The following CHD9 variants were observed in gnomAD, a reference collection of about 807,000 sequenced individuals.
The protein encoded by CHD9 is chromodomain helicase DNA binding protein 9.
CHD9 carries 77 observed loss-of-function variants against 316.1 expected under a neutral mutation model. The ratio of observed to expected loss-of-function variants is 0.24; its 90% CI spans 0.20 to 0.29. The LOEUF (loss-of-function observed/expected upper bound fraction) is 0.29. Among genes scored for constraint, CHD9 ranks in the 10% least tolerant of loss-of-function variants. CHD9 has a pLI of 1.00. For missense variants in CHD9, 2,763 were observed against 3,438.1 expected (o/e 0.80, Z 4.91); for synonymous variants, 1,129 against 1,158.3 (o/e 0.97, Z 0.51).
intron 1 of CHD9, among the ~76,000 whole-genome samples, chr16:53,058,863 TG>T (rs141761945): frequency 0.052 from 7,911 of 152,234 alleles, 292 homozygotes; most frequent in Middle Eastern, 0.088. Context: ...TGGTTTCTTT[TG>T]TTGTTGTTTT....
At chr16:53,314,026 AT>A (rs530638489) in intron 34 of CHD9, among the ~76,000 whole-genome samples, 6 of 151,984 alleles carry the variant, frequency 3.9e-5, no homozygotes, top group Admixed American at 6.6e-5. Flanking sequence ...GAGATAAATG[AT>A]TTTTTTTAAA....
chr16:53,302,683 C>T (rs1329568278), intron 30 of CHD9, among the ~76,000 whole-genome samples: 3 of 152,160 alleles, frequency 2.0e-5, no homozygotes, highest in African/African-American at 7.2e-5. Flanking sequence ...CATTCTCTCT[C>T]ATCTATTTAA....
At chr16:53,320,664 GTTAAA>G (rs2057214810) in intron 37 of CHD9, among the ~76,000 whole-genome samples, 2 of 152,128 alleles carry the variant, frequency 1.3e-5, no homozygotes, top group African/African-American at 4.8e-5. Flanking sequence ...CTAAAGGGAT[GTTAAA>G]TTGGTAGGTA....
intron 1 of CHD9, among the ~76,000 whole-genome samples, chr16:53,090,623 C>T (rs1596948553): frequency 6.6e-6 from 1 of 152,112 alleles, no homozygotes; most frequent in Non-Finnish European, 1.5e-5. Flanking sequence ...TGGCAGGTGG[C>T]CTTTCTTTCC....
chr16:53,274,729 G>C (rs1427552804), intron 24 of CHD9, among the ~76,000 whole-genome samples: 1 of 152,128 alleles, frequency 6.6e-6, no homozygotes, highest in African/African-American at 2.4e-5. Context: ...ACAAAGTGCT[G>C]GGATTACAGG....
chr16:53,244,882 A>C (rs892686382), intron 13 of CHD9, among the ~76,000 whole-genome samples: 3 of 152,074 alleles, frequency 2.0e-5, no homozygotes, highest in Admixed American at 1.3e-4. Context: ...TAATCCCAGC[A>C]CTTTGGGCTT....
intron 2 of CHD9, among the ~76,000 whole-genome samples, chr16:53,199,767 A>G (rs1003282409): frequency 7.9e-5 from 12 of 152,192 alleles, no homozygotes; most frequent in African/African-American, 2.9e-4. Context: ...CATCTTGACC[A>G]TTAAACTATT....
chr16:53,122,388 C>A (rs1011875301), intron 1 of CHD9, among the ~76,000 whole-genome samples: 17 of 152,108 alleles, frequency 1.1e-4, no homozygotes, highest in Non-Finnish European at 7.4e-5. Flanking sequence ...CTACAACAAT[C>A]TTCAAACTTT....
In CHD9 at chr16:53,285,581, A is replaced by C. The variant is rs1204051525; in HGVS notation, c.4968-15A>C. 6.5e-7 allele frequency: 1 copy of C among 1,530,964 alleles called. No individual in the cohort carries two copies. 94.8% of individuals were successfully genotyped at this position (1,530,964 alleles called of 1,614,324 possible). On this transcript the variant is annotated splice_polypyrimidine_tract_variant and intron_variant, in intron 24 of 38. Coordinates refer to ENST00000447540, the MANE Select transcript of CHD9 (RefSeq NM_001308319.2). ...TTATAATAATTCATAATGCCATATTATGATTTTTTTAAAGTGACATTGATG... is the reference window on the plus strand; with the variant it reads ...TTATAATAATTCATAATGCCATATTCTGATTTTTTTAAAGTGACATTGATG...
At chr16:53,253,948 G>A (rs2050342832) in intron 17 of CHD9, among the ~76,000 whole-genome samples, 1 of 152,142 alleles carries the variant, frequency 6.6e-6, no homozygotes, top group South Asian at 2.1e-4. Flanking sequence ...AGGTTGGGGC[G>A]GGTGGATCAC....
At chr16:53,087,603 T>C (rs1018741088) in intron 1 of CHD9, among the ~76,000 whole-genome samples, 2 of 152,312 alleles carry the variant, frequency 1.3e-5, no homozygotes, top group East Asian at 3.9e-4. Context: ...AAAGGATCGT[T>C]ATGAGATAAT....
At chr16:53,208,544 A>G in intron 2 of CHD9, 1 of 1,037,592 alleles carries the variant, frequency 9.6e-7, no homozygotes. Flanking sequence ...TTAGTGAGCA[A>G]TTCTAAACCC....
rs560014386 is a variant in CHD9, at chr16:53,121,151, G to A, written c.-164-34775G>A. 1.5e-5 allele frequency: 4 copies of A among 265,684 alleles called. 1 individual carries two copies. Among genetic ancestry groups the A allele is most frequent in the African/African-American group, 4.5e-5 (2 of 44,822 alleles). 16.5% of individuals were successfully genotyped at this position (265,684 alleles called of 1,614,324 possible). The stretch of plus-strand genomic sequence containing the variant: ...AAAATAATTGGCCATGAAGCCAGAG[G>A]ACCATATCTATCTTGTTCATTGTTG... On this transcript the variant is annotated intron_variant, in intron 1 of 38. Transcript: ENST00000447540.
At chr16:53,309,842 A>C (rs1005699198) in intron 34 of CHD9, among the ~76,000 whole-genome samples, 3 of 152,144 alleles carry the variant, frequency 2.0e-5, no homozygotes, top group African/African-American at 7.2e-5. Flanking sequence ...GAGAATGAAA[A>C]TTTAAAAAAA....
chr16:53,112,669 A>G (rs1422460921), intron 1 of CHD9, among the ~76,000 whole-genome samples: 2 of 151,958 alleles, frequency 1.3e-5, no homozygotes, highest in African/African-American at 4.8e-5. Flanking sequence ...AGTACTTTTT[A>G]TTTGCACAAT....
At chr16:53,083,810 G>T (rs2035234277) in intron 1 of CHD9, among the ~76,000 whole-genome samples, 1 of 151,886 alleles carries the variant, frequency 6.6e-6, no homozygotes, top group South Asian at 2.1e-4. Context: ...GAGTGCAGTG[G>T]CATGATCATA....
intron 1 of CHD9, among the ~76,000 whole-genome samples, chr16:53,064,950 C>G (rs1037302292): frequency 6.6e-6 from 1 of 151,734 alleles, no homozygotes; most frequent in Non-Finnish European, 1.5e-5. Flanking sequence ...GCCTGGGCGA[C>G]AGAGCAAGAC....
At chr16:53,171,206 G>A (rs1014567321) in intron 2 of CHD9, among the ~76,000 whole-genome samples, 9 of 151,932 alleles carry the variant, frequency 5.9e-5, no homozygotes, top group Admixed American at 2.6e-4. Context: ...TCAGGAGATC[G>A]AGACTATCCT....
intron 30 of CHD9, among the ~76,000 whole-genome samples, chr16:53,301,600 CTG>C (rs1479122917): frequency 6.6e-6 from 1 of 152,110 alleles, no homozygotes; most frequent in African/African-American, 2.4e-5. Context: ...TAGAAGTAGA[CTG>C]TGCTCTTCCC....
Sources: gnomAD v4.1 joint callset for allele counts (sites outside exome capture counted in the v4.1 genomes callset) on GRCh38, gnomAD v4.1.1 for gene constraint, MANE v1.5 for transcripts, NCBI Gene and HGNC (gene_info 2026-07-23, HGNC 2026-07-21) for gene names.